The following CCDC124 variants were observed in gnomAD, a reference collection of about 807,000 sequenced individuals.
The protein encoded by CCDC124 is coiled-coil domain containing 124.
In CCDC124, 9 loss-of-function variants were observed where a neutral mutation model predicts 19.8. That is an observed-to-expected ratio of 0.45 (90% CI 0.27 to 0.79). The LOEUF (loss-of-function observed/expected upper bound fraction) is 0.79, where lower values mean the gene tolerates loss of function less well. Among genes scored for constraint, CCDC124 ranks in the 30% least tolerant of loss-of-function variants. The pLI is 0.14. For synonymous variants in CCDC124, 126 were observed against 131.3 expected (o/e 0.96, Z 0.27); for missense variants, 285 against 319.0 (o/e 0.89, Z 0.81).
At chr19:17,938,087 C>T (rs932290949) in intron 2 of CCDC124, among the ~76,000 whole-genome samples, 5 of 152,196 alleles carry the variant, frequency 3.3e-5, no homozygotes, top group Admixed American at 6.6e-5. Context: ...TGCCTGTAAT[C>T]TCAGTACTTT....
chr19:17,934,972 G>C (rs983264499), intron 1 of CCDC124: 1 of 151,370 alleles, frequency 6.6e-6, no homozygotes, highest in Non-Finnish European at 1.5e-5. Context: ...CTGGAGTGCA[G>C]TGGCACAATC....
At position 17,943,547 on chromosome 19, in the gene CCDC124, C is replaced by T. The variant is rs745511293; in HGVS notation, c.504C>T (p.Arg168=). 1.2e-5 allele frequency: 19 copies of T among 1,612,490 alleles called. No homozygotes were observed. The highest frequency in any genetic ancestry group is 1.7e-5 in the Admixed American group (1 of 59,982). ...EEAADRHPER[R]MRAAFTAFEE... is the part of the protein sequence containing the mutation. ...CGGCCGACCGGCACCCAGAAAGACG[C>T]ATGCGGGCAGCCTTCACAGCCTTTG... Residue 168 remains arginine, a synonymous_variant, in exon 5 of 5, where the codon CGC becomes CGT. Coordinates refer to ENST00000445755, the MANE Select transcript of CCDC124 (RefSeq NM_001136203.2).
At chr19:17,938,956 C>T (rs1056067025) in intron 2 of CCDC124, among the ~76,000 whole-genome samples, 45 of 152,268 alleles carry the variant, frequency 3.0e-4, no homozygotes, top group African/African-American at 1.1e-3. Flanking sequence ...CATTCAATGT[C>T]CCTGGCTTTC....
At chr19:17,941,754 C>T (rs2031186847) in intron 2 of CCDC124, among the ~76,000 whole-genome samples, 1 of 152,106 alleles carries the variant, frequency 6.6e-6, no homozygotes, top group South Asian at 2.1e-4. Flanking sequence ...CCCTATTCTG[C>T]GACATTCCCT....
intron 2 of CCDC124, among the ~76,000 whole-genome samples, chr19:17,941,569 C>A (rs184652219): frequency 6.6e-6 from 1 of 151,558 alleles, no homozygotes; most frequent in Non-Finnish European, 1.5e-5. Flanking sequence ...ACGCATCGGT[C>A]GGGGAGCCTC....
At chr19:17,934,198 C>G (rs1238691101) in intron 1 of CCDC124, among the ~76,000 whole-genome samples, 2 of 151,682 alleles carry the variant, frequency 1.3e-5, no homozygotes, top group Non-Finnish European at 2.9e-5. Flanking sequence ...GTGGCACATG[C>G]CAACATGGTG....
intron 2 of CCDC124, among the ~76,000 whole-genome samples, chr19:17,938,847 T>G (rs998074446): frequency 1.1e-4 from 17 of 152,098 alleles, no homozygotes; most frequent in Non-Finnish European, 2.5e-4. Flanking sequence ...TCCTCCCACC[T>G]CAGCCTCCCA....
Position 17,936,446 on chromosome 19 carries a change from A to G in CCDC124, c.26A>G (p.Asn9Ser). 1 of 1,613,404 alleles carries G rather than the reference A, an allele frequency of 6.2e-7. No homozygotes were observed. The highest frequency in any genetic ancestry group is 8.5e-7 in the Non-Finnish European group (1 of 1,179,784). ...ATGCCCAAGAAGTTCCAGGGTGAGA[A>G]CACCAAGTCGGCAGCGGCCCGGGCA... MPKKFQGENTKSAAARARR... is the reference protein window; with the variant it reads MPKKFQGESTKSAAARARR... Residue 9 changes from asparagine (N) to serine (S), a missense_variant, in exon 2 of 5, where the codon AAC becomes AGC. Asn to Ser is a conservative substitution (Grantham distance 46). Transcript: ENST00000445755.
chr19:17,942,399 C>A lies in CCDC124; in HGVS notation c.160-257C>A, dbSNP rs1269974498. 6.6e-6 allele frequency among the ~76,000 whole-genome samples: 1 copy of A among 152,208 alleles called. No homozygotes were observed. Among genetic ancestry groups the A allele is most frequent in the South Asian group, 2.1e-4 (1 of 4,834 alleles). On this transcript the variant is annotated intron_variant, in intron 2 of 4. Coordinates refer to ENST00000445755, the MANE Select transcript of CCDC124 (RefSeq NM_001136203.2). The surrounding 1 kb of genome is among the most constrained non-coding windows in gnomAD (Gnocchi z 4.2). ...AAGGACGCTCCTGTTCCCCAGCTCT[C>A]CCCCTTGGCCGGCGCTCTTCGCACC...
intron 2 of CCDC124, among the ~76,000 whole-genome samples, chr19:17,941,490 C>T (rs550775049): frequency 1.1e-4 from 16 of 144,650 alleles, no homozygotes; most frequent in Admixed American, 2.8e-4. Flanking sequence ...CCAGCCTGGG[C>T]GACTGAGAGA....
At chr19:17,939,122 C>CA (rs1568438523) in intron 2 of CCDC124, among the ~76,000 whole-genome samples, 1 of 151,840 alleles carries the variant, frequency 6.6e-6, no homozygotes, top group African/African-American at 2.4e-5. Context: ...CATCCGGGTG[C>CA]GGTGGCTCAC....
rs374882777 is a variant in CCDC124 at position 17,936,582 on chromosome 19, G to A, written c.159+3G>A. ...TCATGAGGAAGGAGCAGCGCAAGGT[G>A]CGTGCACTCCGAGTCCCCGCGGCCC... On this transcript the variant is annotated splice_donor_region_variant and intron_variant, in intron 2 of 4. Coordinates refer to ENST00000445755, the MANE Select transcript of CCDC124 (RefSeq NM_001136203.2). 4 of 1,611,072 alleles carry A rather than the reference G, an allele frequency of 2.5e-6. No individual in the cohort carries two copies. The African/African-American group carries it at 5.3e-5, about 22-fold the overall frequency.
intron 1 of CCDC124, among the ~76,000 whole-genome samples, chr19:17,933,625 C>T (rs2030992623): frequency 6.6e-6 from 1 of 152,274 alleles, no homozygotes; most frequent in Admixed American, 6.5e-5. Flanking sequence ...ACGCCCTCCA[C>T]ACCTTCCCAT....
chr19:17,938,927 C>A (rs1472881699), intron 2 of CCDC124, among the ~76,000 whole-genome samples: 3 of 152,070 alleles, frequency 2.0e-5, no homozygotes, highest in Non-Finnish European at 4.4e-5. Flanking sequence ...GGGGTAGATC[C>A]TGCCTTGTTT....
rs930619842 is a variant in CCDC124, at chr19:17,943,809, T to A, written c.*94T>A. The stretch of plus-strand genomic sequence containing the variant: ...GGTCAGCTGCGAGGGTCACAGAGCG[T>A]TCCGGGGGCCAAGGCGCCGGGCCCC... On this transcript the variant is annotated 3_prime_UTR_variant, in exon 5 of 5. Coordinates refer to ENST00000445755, the MANE Select transcript of CCDC124 (RefSeq NM_001136203.2). The A allele has an allele frequency of 2.3e-6, 3 of 1,308,592 alleles. No individual in the cohort carries two copies. The highest frequency in any genetic ancestry group is 3.0e-5 in the African/African-American group (2 of 67,664). The allele number at this position is 1,308,592 out of a possible 1,614,324, so 81.1% of individuals were successfully genotyped here.
rs953615553 is a variant in CCDC124, at chr19:17,943,838, G to A, written c.*123G>A. On this transcript the variant is annotated 3_prime_UTR_variant, in exon 5 of 5. Coordinates refer to ENST00000445755, the MANE Select transcript of CCDC124 (RefSeq NM_001136203.2). The stretch of plus-strand genomic sequence containing the variant: ...GGGGGCCAAGGCGCCGGGCCCCGGG[G>A]CCATGCTCTTATCACCAGCCACCCG... 28 of 937,030 alleles carry A rather than the reference G, an allele frequency of 3.0e-5. No individual in the cohort carries two copies. Among genetic ancestry groups the A allele is most frequent in the Non-Finnish European group, 4.2e-5 (26 of 621,884 alleles). The allele number at this position is 937,030 out of a possible 1,614,324, so 58.0% of individuals were successfully genotyped here. A position where few individuals can be genotyped will look rare whatever the true frequency, so the allele number is the denominator to read the frequency against.
chr19:17,936,721 C>T, intron 2 of CCDC124, 142 bp downstream of exon 2: 3 of 1,047,946 alleles, frequency 2.9e-6, no homozygotes, highest in Non-Finnish European at 4.1e-6. Flanking sequence ...TCGCTCACGC[C>T]TGTCATCCCA....
rs756588390 is a variant in CCDC124 at position 17,942,727 on chromosome 19, G to C, written c.231G>C (p.Glu77Asp). 4.5e-6 allele frequency: 7 copies of C among 1,551,716 alleles called. No individual in the cohort carries two copies. In the East Asian group the frequency reaches 1.7e-4, roughly 37 times the overall value. ...AGACGCAGCGCCTACTGGAGGAGGAGGACTCCAAGCTCAAGGGCGGCAAGG... is the reference window on the plus strand; with the variant it reads ...AGACGCAGCGCCTACTGGAGGAGGACGACTCCAAGCTCAAGGGCGGCAAGG... ...KKETQRLLEE[E>D]DSKLKGGKAP... is the part of the protein sequence containing the mutation. The change falls in exon 3 of 5, where the codon GAG becomes GAC. Residue 77 changes from glutamate (E) to aspartate (D), a missense_variant. Glu to Asp is a conservative substitution (Grantham distance 45). Transcript: ENST00000445755. The surrounding 1 kb of genome is among the most constrained non-coding windows in gnomAD (Gnocchi z 4.2).
In CCDC124 at chr19:17,942,857, T is replaced by A. The variant is rs192049836; in HGVS notation, c.349+12T>A. The A allele has an allele frequency of 8.3e-5, 123 of 1,489,710 alleles. 1 individual carries two copies. The East Asian group carries it at 2.1e-3, about 25-fold the overall frequency. 92.3% of individuals were successfully genotyped at this position (1,489,710 alleles called of 1,614,324 possible). On this transcript the variant is annotated intron_variant, in intron 3 of 4. Coordinates refer to ENST00000445755, the MANE Select transcript of CCDC124 (RefSeq NM_001136203.2). This position sits in a 1 kb window ranked among gnomAD's most constrained non-coding sequence, Gnocchi z 4.2. ...GGCCCCGGACACAGGTCGGGCGGCA[T>A]CCCGCTCTGGAGCTGCACTTTTGCC...
Sources: gnomAD v4.1 joint callset for allele counts (sites outside exome capture counted in the v4.1 genomes callset) on GRCh38, gnomAD v4.1.1 for gene constraint, Gnocchi (gnomAD v3.1) non-coding constraint, MANE v1.5 for transcripts, NCBI Gene and HGNC (gene_info 2026-07-23, HGNC 2026-07-21) for gene names.